Variants in KIAA0319 observed in about 807,000 individuals in gnomAD.
KIAA0319 encodes the protein KIAA0319, also known as dyslexia-associated protein KIAA0319.
Under a neutral mutation model 108.4 loss-of-function variants are expected in KIAA0319, and 83 were observed. That is an observed-to-expected ratio of 0.77 (90% CI 0.64 to 0.92). KIAA0319 has a LOEUF of 0.92. Among genes scored for constraint, KIAA0319 ranks in the 40% least tolerant of loss-of-function variants. KIAA0319 has a pLI of 0.00. For missense variants in KIAA0319, 1,195 were observed against 1,322.4 expected (o/e 0.90, Z 1.49); for synonymous variants, 484 against 510.4 (o/e 0.95, Z 0.70).
chr6:24,576,227 C>T, intron 10 of KIAA0319, 141 bp downstream of exon 10: 1 of 701,920 alleles, frequency 1.4e-6, no homozygotes, highest in Admixed American at 2.7e-5. Flanking sequence ...AGCTTAGGTC[C>T]TTTTCTAATA....
chr6:24,592,768 T>C (rs1297616895), intron 3 of KIAA0319, among the ~76,000 whole-genome samples: 2 of 152,148 alleles, frequency 1.3e-5, no homozygotes, highest in African/African-American at 4.8e-5. Flanking sequence ...CTCAGGAGTT[T>C]GAGACCAACC....
chr6:24,605,638 T>C (rs1432245377), intron 1 of KIAA0319, among the ~76,000 whole-genome samples: 3 of 152,198 alleles, frequency 2.0e-5, no homozygotes, highest in African/African-American at 7.2e-5. Context: ...ATGTTATAAA[T>C]AGTACAAGCC....
At chr6:24,567,353 T>G (rs1764048774) in intron 13 of KIAA0319, among the ~76,000 whole-genome samples, 1 of 151,878 alleles carries the variant, frequency 6.6e-6, no homozygotes. Context: ...AATTAAAAAT[T>G]GAAATAATAA....
chr6:24,636,557 A>T (rs1304017767), intron 1 of KIAA0319, among the ~76,000 whole-genome samples: 1 of 152,246 alleles, frequency 6.6e-6, no homozygotes, highest in Non-Finnish European at 1.5e-5. Flanking sequence ...AAGGAAGAAC[A>T]AACATCAAAT....
intron 19 of KIAA0319, among the ~76,000 whole-genome samples, chr6:24,553,294 TACAC>T (rs71544276): frequency 0.17 from 15,534 of 90,154 alleles, 1,258 homozygotes; most frequent in South Asian, 0.2. Flanking sequence ...TATATATATA[TACAC>T]ACACACACAC....
chr6:24,559,931 A>C (rs1323542645), intron 16 of KIAA0319, among the ~76,000 whole-genome samples: 2 of 152,180 alleles, frequency 1.3e-5, no homozygotes, highest in African/African-American at 2.4e-5. Context: ...TCTTCTGGAC[A>C]CTTCAGATAG....
At position 24,563,429 on chromosome 6, in the gene KIAA0319, G is replaced by A. The variant is rs1763377812; in HGVS notation, c.2521C>T (p.Leu841=). Residue 841 remains leucine, a synonymous_variant, in exon 16 of 21, where the codon CTG becomes TTG. Coordinates refer to ENST00000378214, the MANE Select transcript of KIAA0319 (RefSeq NM_014809.4). ...EQRKDTLVRQ[L]AVLLNVLDSD... ...TCCAGCACGTTCAGCAGCACAGCCA[G>A]CTGCCTCACAAGGGTGTCCTTCCGC... The A allele has an allele frequency of 1.2e-6, 2 of 1,613,726 alleles. No homozygotes were observed. Among genetic ancestry groups the A allele is most frequent in the African/African-American group, 1.3e-5 (1 of 74,926 alleles).
At chr6:24,627,285 C>T (rs979950565) in intron 1 of KIAA0319, among the ~76,000 whole-genome samples, 10 of 152,076 alleles carry the variant, frequency 6.6e-5, no homozygotes, top group African/African-American at 1.9e-4. Context: ...TGCAGAAATG[C>T]GCTGGGGATG....
chr6:24,606,913 G>C (rs557731030), intron 1 of KIAA0319, among the ~76,000 whole-genome samples: 1 of 152,368 alleles, frequency 6.6e-6, no homozygotes, highest in East Asian at 1.9e-4. Flanking sequence ...GAGGCCTTGA[G>C]AAAGCAAGCC....
intron 1 of KIAA0319, among the ~76,000 whole-genome samples, chr6:24,611,213 CA>C (rs745648111): frequency 6.6e-6 from 1 of 151,396 alleles, no homozygotes; most frequent in African/African-American, 2.4e-5. Context: ...CATTCTAGGC[CA>C]GGGGCAGTGG....
At chr6:24,566,174 T>C (rs1763878974) in intron 14 of KIAA0319, among the ~76,000 whole-genome samples, 1 of 152,214 alleles carries the variant, frequency 6.6e-6, no homozygotes, top group African/African-American at 2.4e-5. Context: ...CCGAACTGTG[T>C]CTTTCCCAGA....
At chr6:24,623,248 C>G (rs1175351199) in intron 1 of KIAA0319, among the ~76,000 whole-genome samples, 1 of 151,942 alleles carries the variant, frequency 6.6e-6, no homozygotes, top group Non-Finnish European at 1.5e-5. Flanking sequence ...CACGCACACA[C>G]ACAAAGACAA....
chr6:24,553,329 ACACACACG>A (rs1162583608), intron 19 of KIAA0319, among the ~76,000 whole-genome samples: 39 of 105,066 alleles, frequency 3.7e-4, no homozygotes, highest in African/African-American at 1.4e-3. Flanking sequence ...ACACACACAC[ACACACACG>A]CACATATATA....
chr6:24,583,371 T>C, intron 5 of KIAA0319: 1 of 586,948 alleles, frequency 1.7e-6, no homozygotes, highest in Non-Finnish European at 2.6e-6. Flanking sequence ...TGACTTTCCA[T>C]CCTGACCAAT....
chr6:24,550,946 G>C (rs75808575), intron 20 of KIAA0319, among the ~76,000 whole-genome samples: 3 of 151,376 alleles, frequency 2.0e-5, no homozygotes, highest in Admixed American at 6.6e-5. Context: ...CCCCACCCCC[G>C]CATTAGCATA....
intron 4 of KIAA0319, among the ~76,000 whole-genome samples, chr6:24,586,501 T>A (rs1172674550): frequency 6.6e-6 from 1 of 152,162 alleles, no homozygotes; most frequent in Admixed American, 6.6e-5. Flanking sequence ...ATAGAGAAGG[T>A]CCTGACAAAT....
At chr6:24,613,723 A>G (rs1330808936) in intron 1 of KIAA0319, among the ~76,000 whole-genome samples, 1 of 151,966 alleles carries the variant, frequency 6.6e-6, no homozygotes, top group Non-Finnish European at 1.5e-5. Flanking sequence ...AAAACAAACC[A>G]CTGAACAAAA....
At position 24,545,696 on chromosome 6, in the gene KIAA0319, A is replaced by G. The variant is rs1369204858; in HGVS notation, c.*1469T>C. ...CAATAAGTAAAAATAAGATGGTCCC[A>G]TGAGGATGAATACTGCGGGAGATGA... is the stretch of plus-strand genomic sequence containing the variant. On this transcript the variant is annotated 3_prime_UTR_variant, in exon 21 of 21. Coordinates refer to ENST00000378214, the MANE Select transcript of KIAA0319 (RefSeq NM_014809.4). 1 of 152,258 alleles carries G rather than the reference A, an allele frequency of 6.6e-6. No individual in the cohort carries two copies. Among genetic ancestry groups the G allele is most frequent in the African/African-American group, 2.4e-5 (1 of 41,472 alleles). The allele number at this position is 152,258 out of a possible 1,614,324, so 9.4% of individuals were successfully genotyped here.
At chr6:24,553,462 C>T (rs1277656310) in intron 19 of KIAA0319, among the ~76,000 whole-genome samples, 3 of 151,842 alleles carry the variant, frequency 2.0e-5, no homozygotes, top group Non-Finnish European at 4.4e-5. Context: ...CCCTCTCTCT[C>T]TCTGACCTTC....
Sources: gnomAD v4.1 joint callset for allele counts (sites outside exome capture counted in the v4.1 genomes callset) on GRCh38, gnomAD v4.1.1 for gene constraint, MANE v1.5 for transcripts, NCBI Gene and HGNC (gene_info 2026-07-23, HGNC 2026-07-21) for gene names.